PSD3: variants seen among roughly 807,000 people sequenced by gnomAD.
PSD3 encodes PH and SEC7 domain-containing protein 3.
PSD3 carries 49 observed loss-of-function variants against 105.5 expected under a neutral mutation model. The ratio of observed to expected loss-of-function variants is 0.46; its 90% confidence interval spans 0.37 to 0.59. The LOEUF is 0.59. PSD3 is among the 20% of genes least tolerant of loss of function. The pLI is 0.00. For missense variants in PSD3, 1,561 were observed against 1,263.8 expected, an observed-to-expected ratio of 1.24 and a Z score of -3.57; for synonymous variants, 557 against 457.8, an observed-to-expected ratio of 1.22 and a Z score of -2.77.
intron 1 of PSD3, among the ~76,000 whole-genome samples, chr8:18,974,728 G>A (rs1358930161): frequency 6.6e-6 from 1 of 151,790 alleles, no homozygotes; most frequent in Admixed American, 6.6e-5. Flanking sequence ...GGAGGGTTGA[G>A]TGCTGTTTCA....
Position 19,037,223 on chromosome 8 carries a change from G to C in PSD3, c.324+46983C>G, listed in dbSNP as rs138916264. Reference sequence around the variant, plus strand: ...CTTTCTGTGCTGAAGAATCTGACCTGAGAAAGGTCTGCTTGCAAGATGCCG... The same window carrying C: ...CTTTCTGTGCTGAAGAATCTGACCTCAGAAAGGTCTGCTTGCAAGATGCCG... On this transcript the variant is annotated intron_variant, in intron 1 of 1. Coordinates refer to the PSD3 transcript ENST00000521475. 3.4e-3 allele frequency among the ~76,000 whole-genome samples: 514 copies of C among 152,346 alleles called. 4 individuals carry two copies. The highest frequency in any genetic ancestry group is 0.011 in the African/African-American group (444 of 41,580).
chr8:18,693,706 G>A (rs989671808), intron 9 of PSD3, among the ~76,000 whole-genome samples: 3 of 152,132 alleles, frequency 2.0e-5, no homozygotes, highest in Non-Finnish European at 2.9e-5. Context: ...CTTTTCCTAC[G>A]GAAGCAACGT....
chr8:18,913,362 T>G (rs1471136741), intron 2 of PSD3, among the ~76,000 whole-genome samples: 1 of 151,900 alleles, frequency 6.6e-6, no homozygotes, highest in Non-Finnish European at 1.5e-5. Context: ...TTCTTTAGAG[T>G]GCAAACTTCA....
At chr8:18,640,282 T>C (rs936239492) in intron 10 of PSD3, among the ~76,000 whole-genome samples, 7 of 152,112 alleles carry the variant, frequency 4.6e-5, no homozygotes, top group South Asian at 2.1e-4. Context: ...CCCTAAGATA[T>C]GGAGCAGGTA....
At chr8:18,964,117 G>C (rs1045756255) in intron 1 of PSD3, among the ~76,000 whole-genome samples, 3 of 151,820 alleles carry the variant, frequency 2.0e-5, no homozygotes, top group African/African-American at 7.3e-5. Context: ...GAATAACTCG[G>C]GTTTTTTTTG....
At chr8:18,714,388 G>C (rs966200671) in intron 9 of PSD3, among the ~76,000 whole-genome samples, 1 of 150,234 alleles carries the variant, frequency 6.7e-6, no homozygotes, top group African/African-American at 2.5e-5. Flanking sequence ...TTTGACAAAG[G>C]TCTGATATCC....
chr8:18,873,094 C>G (rs1203172006), intron 2 of PSD3, among the ~76,000 whole-genome samples: 4 of 152,178 alleles, frequency 2.6e-5, no homozygotes, highest in African/African-American at 9.7e-5. Context: ...ACTCATGAAA[C>G]AGCAACTAAA....
rs144899691 is a variant in PSD3 at position 18,840,958 on chromosome 8, C to A, written c.1634+26716G>T. 5.7e-4 allele frequency among the ~76,000 whole-genome samples: 87 copies of A among 152,288 alleles called. No individual in the cohort carries two copies. In the East Asian group the frequency reaches 0.016, roughly 29 times the overall value. On this transcript the variant is annotated intron_variant, in intron 4 of 15. Transcript: ENST00000327040. The stretch of plus-strand genomic sequence containing the variant: ...GTGTGTGTCTCGAGATAGATGAATG[C>A]ACCTTGCCCCTCTAAAATTCTACTA...
chr8:18,983,635 C>T (rs1424731460), intron 1 of PSD3, among the ~76,000 whole-genome samples: 1 of 152,064 alleles, frequency 6.6e-6, no homozygotes, highest in East Asian at 1.9e-4. Flanking sequence ...CCAAAACATA[C>T]GACAATTTTT....
chr8:18,643,902 G>T (rs957031623), intron 10 of PSD3, among the ~76,000 whole-genome samples: 1 of 152,232 alleles, frequency 6.6e-6, no homozygotes, highest in African/African-American at 2.4e-5. Context: ...TTTATGGCTT[G>T]TATTTCCTAG....
At position 18,613,747 on chromosome 8, in the gene PSD3, C is replaced by G. The variant is rs530129376; in HGVS notation, c.2411-13313G>C. Among the ~76,000 whole-genome samples the G allele has an allele frequency of 5.3e-4, 81 of 152,276 alleles. 1 individual carries two copies. The highest frequency in any genetic ancestry group is 1.1e-3 in the Non-Finnish European group (73 of 68,020). On this transcript the variant is annotated intron_variant, in intron 11 of 15. Coordinates refer to ENST00000327040, the MANE Select transcript of PSD3 (RefSeq NM_015310.4). ...AGGGCTCTAAAGCAGAATCCATTCT[C>G]AGGGCTGCCTGCACCACTGGCAACC...
chr8:18,857,221 C>T (rs116357056), intron 4 of PSD3, among the ~76,000 whole-genome samples: 153 of 152,318 alleles, frequency 1.0e-3, no homozygotes, highest in African/African-American at 3.4e-3. Context: ...ACTGGCTCAA[C>T]TTTGTATTCT....
intron 1 of PSD3, among the ~76,000 whole-genome samples, chr8:18,992,040 C>A (rs936829095): frequency 1.4e-4 from 21 of 152,270 alleles, no homozygotes; most frequent in Admixed American, 1.1e-3. Context: ...TCCATCAAAC[C>A]TAGGTCGGTC....
At chr8:18,861,504 C>A (rs1344687840) in intron 4 of PSD3, among the ~76,000 whole-genome samples, 5 of 152,126 alleles carry the variant, frequency 3.3e-5, no homozygotes, top group Non-Finnish European at 7.3e-5. Context: ...TCTCTCTCCT[C>A]CAATTTGACC....
chr8:18,705,132 G>T (rs1469064941), intron 9 of PSD3, among the ~76,000 whole-genome samples: 1 of 152,116 alleles, frequency 6.6e-6, no homozygotes, highest in Non-Finnish European at 1.5e-5. Flanking sequence ...AAAAACATCT[G>T]CATTCATTCT....
chr8:18,984,288 A>G (rs1027926600), intron 1 of PSD3, among the ~76,000 whole-genome samples: 2 of 151,850 alleles, frequency 1.3e-5, no homozygotes, highest in African/African-American at 2.4e-5. Context: ...TAGTTGTTAA[A>G]CCACATAACT....
At chr8:19,072,585 C>T (rs982854861) in intron 1 of PSD3, among the ~76,000 whole-genome samples, 2 of 152,130 alleles carry the variant, frequency 1.3e-5, no homozygotes, top group African/African-American at 4.8e-5. Flanking sequence ...CATTTCTATT[C>T]AGACATGGAG....
At chr8:18,804,664 C>T (rs1175162315) in intron 5 of PSD3, 40 bp downstream of exon 5, 4 of 1,611,600 alleles carry the variant, frequency 2.5e-6, no homozygotes, top group East Asian at 4.5e-5. Flanking sequence ...ACACACAAAA[C>T]AGGAGAGAAT....
At chr8:18,638,154 CAAAA>C (rs34328764) in intron 10 of PSD3, among the ~76,000 whole-genome samples, 2 of 72,258 alleles carry the variant, frequency 2.8e-5, no homozygotes, top group East Asian at 4.3e-4. Flanking sequence ...GATTCCATCT[CAAAA>C]AAAAAAAAAA....
Sources: allele counts gnomAD v4.1 joint callset (sites outside exome capture counted in the v4.1 genomes callset), GRCh38; gene constraint gnomAD v4.1.1; transcripts MANE v1.5; gene names NCBI Gene and HGNC (gene_info 2026-07-23, HGNC 2026-07-21).